Variants in PARVB observed in about 807,000 individuals in gnomAD.
PARVB encodes beta-parvin.
A neutral mutation model predicts 47.0 loss-of-function variants in PARVB; 46 were observed. That is an observed-to-expected ratio of 0.98 (90% CI 0.77 to 1.25). The LOEUF is 1.25. PARVB is among the 50% of genes most tolerant of loss of function. PARVB has a pLI of 0.00. For missense variants in PARVB, 473 were observed against 471.6 expected (o/e 1.00, Z -0.03); for synonymous variants, 196 against 196.3 (o/e 1.00, Z 0.01).
intron 2 of PARVB, 50 bp from the exon 3 acceptor site, chr22:44,100,003 C>A: frequency 6.7e-7 from 1 of 1,491,014 alleles, no homozygotes; most frequent in Middle Eastern, 1.7e-4. Context: ...TTCCCCGTGT[C>A]CCTGCCACCC....
At chr22:44,146,287 ACAACCT>A (rs2053672577) in intron 8 of PARVB, 2 of 125,890 alleles carry the variant, frequency 1.6e-5, no homozygotes, top group South Asian at 2.8e-4. Context: ...ATGTTCACAC[ACAACCT>A]CACACGCACA....
chr22:44,027,363 G>A (rs1051319636), intron 1 of PARVB, among the ~76,000 whole-genome samples: 2 of 152,214 alleles, frequency 1.3e-5, no homozygotes, highest in Admixed American at 6.5e-5. Context: ...CCTCAGAGGC[G>A]GATGGCCGGC....
At chr22:44,002,969 T>C (rs1472276274) in intron 2 of PARVB, among the ~76,000 whole-genome samples, 1 of 152,194 alleles carries the variant, frequency 6.6e-6, no homozygotes, top group African/African-American at 2.4e-5. Flanking sequence ...AAAAGGAGAT[T>C]CAGCATTATC....
intron 1 of PARVB, among the ~76,000 whole-genome samples, chr22:44,061,119 G>A (rs1027579889): frequency 2.6e-5 from 4 of 152,176 alleles, no homozygotes; most frequent in Non-Finnish European, 4.4e-5. Context: ...CTCGCCACGC[G>A]TGGGGACCCA....
chr22:44,009,359 CCTGT>C (rs1374131033), intron 2 of PARVB: 6 of 152,158 alleles, frequency 3.9e-5, no homozygotes, highest in African/African-American at 7.2e-5. Flanking sequence ...GATGATAATG[CCTGT>C]CTGAGTATTC....
chr22:44,062,759 G>C (rs1360507882), intron 1 of PARVB, among the ~76,000 whole-genome samples: 1 of 152,244 alleles, frequency 6.6e-6, no homozygotes, highest in East Asian at 1.9e-4. Context: ...AGGCCTGGGA[G>C]GGCCCCCAGC....
chr22:44,144,629 C>G (rs2053625461), intron 8 of PARVB: 1 of 152,252 alleles, frequency 6.6e-6, no homozygotes, highest in Non-Finnish European at 1.5e-5. Context: ...GAAACCCCGT[C>G]TCTACTAAAA....
At chr22:43,999,726 G>A in intron 2 of PARVB, 1 of 1,300,744 alleles carries the variant, frequency 7.7e-7, no homozygotes, top group Non-Finnish European at 1.1e-6. Context: ...GGGTGCAGTG[G>A]CTCATGCCTG....
intron 1 of PARVB, among the ~76,000 whole-genome samples, chr22:44,055,585 G>A (rs1380826354): frequency 2.0e-5 from 3 of 151,982 alleles, no homozygotes; most frequent in Non-Finnish European, 2.9e-5. Context: ...CGCCCGCCTC[G>A]GCCTCCCAAA....
At chr22:44,157,590 T>C (rs184252002) in intron 10 of PARVB, among the ~76,000 whole-genome samples, 1 of 152,174 alleles carries the variant, frequency 6.6e-6, no homozygotes, top group East Asian at 1.9e-4. Flanking sequence ...TACTTTAAAA[T>C]ATTTCCAGCT....
At chr22:44,046,873 C>T (rs933864738) in intron 1 of PARVB, among the ~76,000 whole-genome samples, 3 of 152,086 alleles carry the variant, frequency 2.0e-5, no homozygotes, top group African/African-American at 7.2e-5. Flanking sequence ...CTTATCAGTG[C>T]CGGGAGAGCA....
At chr22:44,093,654 G>A (rs2052226799) in intron 1 of PARVB, among the ~76,000 whole-genome samples, 1 of 152,162 alleles carries the variant, frequency 6.6e-6, no homozygotes, top group Non-Finnish European at 1.5e-5. Flanking sequence ...TGGAAGCTTT[G>A]GTGTCTTAGT....
At chr22:44,152,376 C>T (rs1168441256) in intron 10 of PARVB, 1 of 152,120 alleles carries the variant, frequency 6.6e-6, no homozygotes, top group African/African-American at 2.4e-5. Context: ...TCTCGATCTC[C>T]TGGCCTCATG....
intron 1 of PARVB, among the ~76,000 whole-genome samples, chr22:44,084,104 G>A (rs1190050724): frequency 6.6e-6 from 1 of 152,216 alleles, no homozygotes; most frequent in Non-Finnish European, 1.5e-5. Flanking sequence ...GTAAGATGAT[G>A]GGACGGCTTC....
At chr22:44,034,706 CTTTTTT>C (rs34429203) in intron 1 of PARVB, among the ~76,000 whole-genome samples, 1 of 107,580 alleles carries the variant, frequency 9.3e-6, no homozygotes, top group African/African-American at 3.3e-5. Flanking sequence ...CCACGTGTAA[CTTTTTT>C]TTTTTTTTTT....
chr22:44,133,420 C>CT (rs1173314202), intron 6 of PARVB, among the ~76,000 whole-genome samples: 4 of 152,202 alleles, frequency 2.6e-5, no homozygotes, highest in Non-Finnish European at 5.9e-5. Context: ...CCCATCATCT[C>CT]TTTTTTTGGG....
At chr22:44,024,298 C>G (rs1176283775), upstream of PARVB, 2 of 984,218 alleles carry the variant, frequency 2.0e-6, no homozygotes, top group Non-Finnish European at 2.4e-6. Flanking sequence ...GACCGGGCGG[C>G]TCCACACGCG....
At chr22:44,140,936 A>T (rs1203883836) in intron 8 of PARVB, 2 of 187,884 alleles carry the variant, frequency 1.1e-5, no homozygotes, top group African/African-American at 4.6e-5. Context: ...CGGCCTGGCC[A>T]GCCTCAGTGC....
rs539158358 is a variant in PARVB at position 44,061,530 on chromosome 22, G to A, written c.113-32398G>A. 2.0e-5 allele frequency among the ~76,000 whole-genome samples: 3 copies of A among 152,310 alleles called. No homozygotes were observed. The South Asian group carries it at 6.2e-4, about 32-fold the overall frequency. On this transcript the variant is annotated intron_variant, in intron 1 of 12. Transcript: ENST00000338758. ...AAAAACATGGCATTAAATAGACCAT[G>A]AAATGGACACTTGTTTATGATGTGA... is the stretch of plus-strand genomic sequence containing the variant.
Sources: gnomAD v4.1 joint callset for allele counts (sites outside exome capture counted in the v4.1 genomes callset) on GRCh38, gnomAD v4.1.1 for gene constraint, MANE v1.5 for transcripts, NCBI Gene and HGNC (gene_info 2026-07-23, HGNC 2026-07-21) for gene names.